HMBOX1: variants seen among roughly 807,000 people sequenced by gnomAD.
HMBOX1 encodes homeobox containing 1, also known as homeobox-containing protein 1.
HMBOX1 carries 14 observed loss-of-function variants against 54.5 expected under a neutral mutation model. The ratio of observed to expected loss-of-function variants is 0.26; its 90% CI spans 0.17 to 0.40. HMBOX1 has a LOEUF of 0.40. Among genes scored for constraint, HMBOX1 ranks in the 10% least tolerant of loss-of-function variants. The probability of loss-of-function intolerance (pLI) is 1.00; values close to 1 mark genes in which losing one functional copy is unlikely to be tolerated. For missense variants in HMBOX1, 332 were observed against 514.4 expected, an observed-to-expected ratio of 0.65 and a Z score of 3.43; for synonymous variants, 160 against 181.0, an observed-to-expected ratio of 0.88 and a Z score of 0.93.
intron 1 of HMBOX1, among the ~76,000 whole-genome samples, chr8:28,905,740 G>C (rs941152371): frequency 6.6e-6 from 1 of 152,186 alleles, no homozygotes; most frequent in Non-Finnish European, 1.5e-5. Flanking sequence ...GTTTTAAGCA[G>C]ACTAACTTAA....
intron 1 of HMBOX1, among the ~76,000 whole-genome samples, chr8:28,961,746 G>A (rs963658370): frequency 1.3e-5 from 2 of 151,850 alleles, no homozygotes; most frequent in African/African-American, 2.4e-5. Flanking sequence ...GTTTTTTGAG[G>A]AACTGCCATA....
At chr8:28,971,449 ACAC>A (rs1297538209) in intron 3 of HMBOX1, among the ~76,000 whole-genome samples, 3 of 152,148 alleles carry the variant, frequency 2.0e-5, no homozygotes, top group Non-Finnish European at 4.4e-5. Context: ...GGACCCTGGG[ACAC>A]TTTGAGGGTA....
At chr8:29,038,115 C>T (rs1032478168) in intron 6 of HMBOX1, among the ~76,000 whole-genome samples, 21 of 152,176 alleles carry the variant, frequency 1.4e-4, no homozygotes, top group African/African-American at 4.1e-4. Context: ...CACGCAGACA[C>T]AAAAGGAGGA....
intron 6 of HMBOX1, among the ~76,000 whole-genome samples, chr8:29,028,474 T>A (rs1802413574): frequency 6.6e-6 from 1 of 152,230 alleles, no homozygotes; most frequent in Non-Finnish European, 1.5e-5. Context: ...TCACTGCATT[T>A]TGGAATTCTT....
At chr8:28,905,456 AGTTG>A (rs1814145158) in intron 1 of HMBOX1, among the ~76,000 whole-genome samples, 1 of 152,220 alleles carries the variant, frequency 6.6e-6, no homozygotes, top group South Asian at 2.1e-4. Flanking sequence ...TTTTACCCCA[AGTTG>A]GTAGGATTTG....
intron 8 of HMBOX1, among the ~76,000 whole-genome samples, chr8:29,048,267 C>A (rs912023224): frequency 6.6e-5 from 10 of 152,098 alleles, no homozygotes; most frequent in African/African-American, 2.2e-4. Flanking sequence ...TATATATACA[C>A]ATATCAAAAC....
chr8:29,022,850 C>G (rs1416276271), intron 6 of HMBOX1, among the ~76,000 whole-genome samples: 1 of 61,246 alleles, frequency 1.6e-5, no homozygotes, highest in Non-Finnish European at 2.9e-5. Flanking sequence ...AATTATATAT[C>G]AAAATTTAAA....
chr8:29,037,612 T>G (rs28673716), intron 6 of HMBOX1, among the ~76,000 whole-genome samples: 2 of 152,198 alleles, frequency 1.3e-5, no homozygotes, highest in African/African-American at 4.8e-5. Flanking sequence ...CAAAAGATGG[T>G]TATGCCAGAT....
chr8:28,909,711 ACTT>A (rs2131646926), intron 1 of HMBOX1, among the ~76,000 whole-genome samples: 1 of 152,300 alleles, frequency 6.6e-6, no homozygotes, highest in Non-Finnish European at 1.5e-5. Context: ...AGACTTGAGA[ACTT>A]CTTTAAAAAA....
intron 4 of HMBOX1, among the ~76,000 whole-genome samples, chr8:28,997,863 TCCTGTGGTGTCTTTGTCTGA>T (rs1224286660): frequency 2.6e-5 from 4 of 152,226 alleles, no homozygotes; most frequent in African/African-American, 9.6e-5. Context: ...TCTATAGTTT[TCCTGTGGTGTCTTTGTCTGA>T]TTTTGGTATT....
At chr8:28,996,990 G>T (rs189856366) in intron 4 of HMBOX1, among the ~76,000 whole-genome samples, 86 of 150,906 alleles carry the variant, frequency 5.7e-4, no homozygotes, top group Non-Finnish European at 1.1e-3. Flanking sequence ...GTTCTAATGG[G>T]GTGTGTGTGT....
At chr8:28,997,177 T>C (rs1191583779) in intron 4 of HMBOX1, among the ~76,000 whole-genome samples, 2 of 152,230 alleles carry the variant, frequency 1.3e-5, no homozygotes, top group Non-Finnish European at 2.9e-5. Flanking sequence ...ATCCTTGTCT[T>C]GTTCCTGATC....
chr8:29,052,564 C>CCAAA lies in HMBOX1; in HGVS notation c.*1412_*1415dup, dbSNP rs909005924. 5 of 151,552 alleles carry CCAAA rather than the reference C, an allele frequency of 3.3e-5. No homozygotes were observed. The highest frequency in any genetic ancestry group is 9.7e-5 in the African/African-American group (4 of 41,222). 9.4% of individuals were successfully genotyped at this position (151,552 alleles called of 1,614,324 possible). On this transcript the variant is annotated 3_prime_UTR_variant, in exon 10 of 10. Transcript: ENST00000287701. ...TTTTTCATTTTGAGAACTCAAAATA[C>CCAAA]CAAACAGTGAACTTGCATTCTAAAG...
In HMBOX1 at chr8:28,945,991, C is replaced by T. The variant is rs1585996834; in HGVS notation, c.-57-17820C>T. 2.8e-5 allele frequency among the ~76,000 whole-genome samples: 4 copies of T among 145,252 alleles called. 1 individual carries two copies. In the Admixed American group the frequency reaches 2.8e-4, roughly 10 times the overall value. On this transcript the variant is annotated intron_variant, in intron 1 of 9. Coordinates refer to ENST00000287701, the MANE Select transcript of HMBOX1 (RefSeq NM_001135726.3). ...TTATTGAGACGGAGTCTTGCTCTGTCACCCAGGCTGGAGTGCAATGGCACG... is the reference window on the plus strand; with the variant it reads ...TTATTGAGACGGAGTCTTGCTCTGTTACCCAGGCTGGAGTGCAATGGCACG...
chr8:28,973,676 C>T (rs1469482130), intron 3 of HMBOX1, among the ~76,000 whole-genome samples: 1 of 152,032 alleles, frequency 6.6e-6, no homozygotes, highest in Non-Finnish European at 1.5e-5. Flanking sequence ...GTCTCCTTTT[C>T]TACCTGTGTG....
chr8:29,003,555 A>AATATAT (rs71222586), intron 4 of HMBOX1, among the ~76,000 whole-genome samples: 8,290 of 71,290 alleles, frequency 0.12, 1,010 homozygotes, highest in Non-Finnish European at 0.16. Context: ...TTCTGTATTA[A>AATATAT]ATATATATAT....
intron 1 of HMBOX1, among the ~76,000 whole-genome samples, chr8:28,934,171 A>G (rs1819980220): frequency 6.6e-6 from 1 of 152,272 alleles, no homozygotes; most frequent in South Asian, 2.1e-4. Flanking sequence ...ACAATGGTTT[A>G]ACAATCTAAA....
rs534645209 is a variant in HMBOX1, at chr8:28,957,425, C to T, written c.-57-6386C>T. On this transcript the variant is annotated intron_variant, in intron 1 of 9. Transcript: ENST00000287701. ...CTCCAGGAGTGGGGAAGGAGGAAAT[C>T]GGGGCAAAGGTTGAAAAAATAACTG... Among the ~76,000 whole-genome samples, 76 of 152,182 alleles carry T rather than the reference C, an allele frequency of 5.0e-4. 1 individual carries two copies. Among genetic ancestry groups the T allele is most frequent in the African/African-American group, 1.7e-3 (70 of 41,532 alleles).
intron 6 of HMBOX1, among the ~76,000 whole-genome samples, chr8:29,029,468 T>C (rs1308344223): frequency 6.6e-6 from 1 of 152,246 alleles, no homozygotes; most frequent in Admixed American, 6.5e-5. Flanking sequence ...CAAAAAAATA[T>C]AAATTGCATC....
Sources: allele counts gnomAD v4.1 joint callset (sites outside exome capture counted in the v4.1 genomes callset), GRCh38; gene constraint gnomAD v4.1.1; transcripts MANE v1.5; gene names NCBI Gene and HGNC (gene_info 2026-07-23, HGNC 2026-07-21).